Variants in CD58 observed in about 807,000 individuals in gnomAD.
CD58 encodes lymphocyte function-associated antigen 3.
CD58 carries 14 observed loss-of-function variants against 27.6 expected under a neutral mutation model. That is an observed-to-expected ratio of 0.51 (90% CI 0.34 to 0.79). The LOEUF is 0.79. Among genes scored for constraint, CD58 ranks in the 30% least tolerant of loss-of-function variants. The probability of loss-of-function intolerance (pLI) is 0.02; values close to 1 mark genes in which losing one functional copy is unlikely to be tolerated. For missense variants in CD58, 268 were observed against 301.7 expected (o/e 0.89, Z 0.83); for synonymous variants, 117 against 103.8 (o/e 1.13, Z -0.77).
In CD58 at chr1:116,541,939, A is replaced by G. The variant is rs540466660; in HGVS notation, c.364+2372T>C. Reference sequence around the variant, plus strand: ...TCCAGTGTTAAGAGGTTGGGGAAACAAGGAAACTAGCAAAAGAAGCTGAAA... The same window carrying G: ...TCCAGTGTTAAGAGGTTGGGGAAACGAGGAAACTAGCAAAAGAAGCTGAAA... On this transcript the variant is annotated intron_variant, in intron 2 of 5. Coordinates refer to ENST00000369489, the MANE Select transcript of CD58 (RefSeq NM_001779.3). This position sits in a 1 kb window ranked among gnomAD's most constrained non-coding sequence, Gnocchi z 5.3. 2.1e-4 allele frequency among the ~76,000 whole-genome samples: 32 copies of G among 152,332 alleles called. No individual in the cohort carries two copies. The highest frequency in any genetic ancestry group is 7.5e-4 in the African/African-American group (31 of 41,576).
At chr1:116,520,586 A>G (rs996246233) in intron 4 of CD58, among the ~76,000 whole-genome samples, 2 of 151,096 alleles carry the variant, frequency 1.3e-5, no homozygotes, top group Admixed American at 1.3e-4. Context: ...TCTTTAGTTC[A>G]GGTATCCTGG....
intron 3 of CD58, among the ~76,000 whole-genome samples, chr1:116,530,775 T>C (rs1386888517): frequency 1.3e-5 from 2 of 152,004 alleles, no homozygotes; most frequent in South Asian, 4.1e-4. Context: ...CATTCAAAAA[T>C]CATCTCAGAA....
At position 116,534,507 on chromosome 1, in the gene CD58, G is replaced by A. The variant is rs539283434; in HGVS notation, c.628+1458C>T. ...CCAGCCCCCACTCGCCGCCCTCTAC[G>A]CCTCCTCCGCTGGGCCGCCGGCGAG... On this transcript the variant is annotated intron_variant, in intron 3 of 5. Transcript: ENST00000369489. The surrounding 1 kb of genome is among the most constrained non-coding windows in gnomAD (Gnocchi z 5.3). Among the ~76,000 whole-genome samples the A allele has an allele frequency of 3.0e-3, 451 of 152,300 alleles. 3 individuals are homozygous for A. The highest frequency in any genetic ancestry group is 0.01 in the African/African-American group (420 of 41,572).
At chr1:116,548,200 T>C (rs546994466) in intron 1 of CD58, among the ~76,000 whole-genome samples, 5 of 152,384 alleles carry the variant, frequency 3.3e-5, no homozygotes, top group African/African-American at 1.2e-4. Flanking sequence ...TTCTGGATAT[T>C]GGTCCTTTGT....
chr1:116,549,395 A>G (rs114463792), intron 1 of CD58, among the ~76,000 whole-genome samples: 177 of 152,312 alleles, frequency 1.2e-3, no homozygotes, highest in Non-Finnish European at 2.2e-3. Flanking sequence ...GGTCCCCATT[A>G]AGAGAACAAT....
chr1:116,540,702 T>G (rs1476788312), intron 2 of CD58, among the ~76,000 whole-genome samples: 1 of 152,172 alleles, frequency 6.6e-6, no homozygotes, highest in Non-Finnish European at 1.5e-5. Flanking sequence ...AAAACTCACC[T>G]CCCCTGTACT....
At chr1:116,568,804 A>C (rs1255757166) in intron 1 of CD58, among the ~76,000 whole-genome samples, 1 of 152,220 alleles carries the variant, frequency 6.6e-6, no homozygotes, top group Non-Finnish European at 1.5e-5. Context: ...GAACTCACAC[A>C]AGTTCATGAC....
At chr1:116,566,185 T>C (rs1187456654) in intron 1 of CD58, among the ~76,000 whole-genome samples, 1 of 152,168 alleles carries the variant, frequency 6.6e-6, no homozygotes, top group Non-Finnish European at 1.5e-5. Context: ...TGTAAAGAAA[T>C]CTTTAACTGT....
intron 1 of CD58, among the ~76,000 whole-genome samples, chr1:116,560,880 G>A (rs1658729117): frequency 6.6e-6 from 1 of 152,180 alleles, no homozygotes; most frequent in Non-Finnish European, 1.5e-5. Flanking sequence ...AAGAGAAACG[G>A]CTGCATCCTG....
At position 116,557,059 on chromosome 1, in the gene CD58, T is replaced by G. The variant is rs1436395564; in HGVS notation, c.71-12455A>C. Among the ~76,000 whole-genome samples, 2 of 152,232 alleles carry G rather than the reference T, an allele frequency of 1.3e-5. No individual in the cohort carries two copies. The highest frequency in any genetic ancestry group is 4.8e-5 in the African/African-American group (2 of 41,474). ...CCCTATCAGGACAAGGACAAAGGTGTTCCTGTTTTTGGCTGTATCCCCATA... is the reference window on the plus strand; with the variant it reads ...CCCTATCAGGACAAGGACAAAGGTGGTCCTGTTTTTGGCTGTATCCCCATA... On this transcript the variant is annotated intron_variant, in intron 1 of 5. Coordinates refer to ENST00000369489, the MANE Select transcript of CD58 (RefSeq NM_001779.3). This position sits in a 1 kb window ranked among gnomAD's most constrained non-coding sequence, Gnocchi z 5.2.
intron 3 of CD58, among the ~76,000 whole-genome samples, chr1:116,526,364 G>T (rs1421389095): frequency 6.6e-6 from 1 of 152,148 alleles, no homozygotes; most frequent in African/African-American, 2.4e-5. Flanking sequence ...AAAATTTTGT[G>T]AAGGGCATAA....
chr1:116,516,382 G>T lies in CD58; in HGVS notation c.744-1560C>A, dbSNP rs1378134998. 6.6e-6 allele frequency among the ~76,000 whole-genome samples: 1 copy of T among 152,168 alleles called. No homozygotes were observed. ...CCCCAAATACTCAGGTCTCTCCCTA[G>T]AATGCCACCTTAGAGAGGTCAGTGT... is the stretch of plus-strand genomic sequence containing the variant. On this transcript the variant is annotated intron_variant, in intron 5 of 5. Coordinates refer to ENST00000369489, the MANE Select transcript of CD58 (RefSeq NM_001779.3). This position sits in a 1 kb window ranked among gnomAD's most constrained non-coding sequence, Gnocchi z 6.1.
intron 3 of CD58, among the ~76,000 whole-genome samples, chr1:116,525,514 G>A (rs1657400037): frequency 6.6e-6 from 1 of 152,224 alleles, no homozygotes; most frequent in African/African-American, 2.4e-5. Context: ...AGGTTTTTAT[G>A]TCAACATAAG....
rs1224618887 is a variant in CD58, at chr1:116,531,621, C to G, written c.628+4344G>C. ...TTAACTTTGCAGCTCGTTTTAAAAA[C>G]TTCTTGCAATTGTGTGACTTGTACA... On this transcript the variant is annotated intron_variant, in intron 3 of 5. Transcript: ENST00000369489. The surrounding 1 kb of genome is among the most constrained non-coding windows in gnomAD (Gnocchi z 4.5). Among the ~76,000 whole-genome samples, 1 of 152,210 alleles carries G rather than the reference C, an allele frequency of 6.6e-6. No homozygotes were observed. Among genetic ancestry groups the G allele is most frequent in the African/African-American group, 2.4e-5 (1 of 41,452 alleles).
chr1:116,542,742 C>T (rs1379972490), intron 2 of CD58, among the ~76,000 whole-genome samples: 3 of 152,086 alleles, frequency 2.0e-5, no homozygotes, highest in African/African-American at 2.4e-5. Context: ...CCAGGGCACA[C>T]GTGGAAAGTT....
intron 1 of CD58, chr1:116,560,102 A>G (rs1658709447): frequency 6.6e-6 from 1 of 152,468 alleles, no homozygotes; most frequent in South Asian, 2.1e-4. Flanking sequence ...CTTTTGCACC[A>G]ACCTAATACA....
At chr1:116,558,837 T>G (rs933020160) in intron 1 of CD58, among the ~76,000 whole-genome samples, 2 of 152,240 alleles carry the variant, frequency 1.3e-5, no homozygotes, top group Non-Finnish European at 2.9e-5. Flanking sequence ...AAGAGCTGTT[T>G]GTGTATTAAC....
chr1:116,559,932 T>C lies in CD58; in HGVS notation c.70+10971A>G, dbSNP rs890350435. 1 of 154,008 alleles carries C rather than the reference T, an allele frequency of 6.5e-6. No individual in the cohort carries two copies. Among genetic ancestry groups the C allele is most frequent in the Non-Finnish European group, 1.5e-5 (1 of 68,040 alleles). 9.5% of individuals were successfully genotyped at this position (154,008 alleles called of 1,614,324 possible). A position where few individuals can be genotyped will look rare whatever the true frequency, so the allele number is the denominator to read the frequency against. On this transcript the variant is annotated intron_variant, in intron 1 of 5. Coordinates refer to ENST00000369489, the MANE Select transcript of CD58 (RefSeq NM_001779.3). The surrounding 1 kb of genome is among the most constrained non-coding windows in gnomAD (Gnocchi z 4.4). Reference sequence around the variant, plus strand: ...GAAATATGGTTAGTTCAAATGGAGATGTGTTCTGAGTATCAAATACACACC... The same window carrying C: ...GAAATATGGTTAGTTCAAATGGAGACGTGTTCTGAGTATCAAATACACACC...
At chr1:116,569,581 G>C (rs920383085) in intron 1 of CD58, among the ~76,000 whole-genome samples, 1 of 145,416 alleles carries the variant, frequency 6.9e-6, no homozygotes, top group Non-Finnish European at 1.5e-5. Flanking sequence ...TCTTCCCTCT[G>C]TACCCTCACA....
Sources: gnomAD v4.1 joint callset for allele counts (sites outside exome capture counted in the v4.1 genomes callset) on GRCh38, gnomAD v4.1.1 for gene constraint, Gnocchi (gnomAD v3.1) non-coding constraint, MANE v1.5 for transcripts, NCBI Gene and HGNC (gene_info 2026-07-23, HGNC 2026-07-21) for gene names.